The following GPC6 variants were observed in gnomAD, a reference collection of about 807,000 sequenced individuals.
GPC6 encodes the protein glypican 6, also known as glypican-6.
GPC6 carries 14 observed loss-of-function variants against 55.2 expected under a neutral mutation model. That is an observed-to-expected ratio of 0.25 (90% CI 0.17 to 0.40). The LOEUF (loss-of-function observed/expected upper bound fraction) is 0.40. Ranked by LOEUF, GPC6 falls within the 10% of genes least tolerant of loss-of-function variation. The pLI, the probability that GPC6 is intolerant of heterozygous loss-of-function variation, is 1.00. For synonymous variants in GPC6, 278 were observed against 259.6 expected, an observed-to-expected ratio of 1.07 and a Z score of -0.68; for missense variants, 641 against 708.5, an observed-to-expected ratio of 0.90 and a Z score of 1.08.
intron 4 of GPC6, among the ~76,000 whole-genome samples, chr13:94,062,836 C>G (rs550329784): frequency 5.3e-5 from 8 of 152,232 alleles, no homozygotes; most frequent in African/African-American, 1.7e-4. Flanking sequence ...CAGTACCTTA[C>G]ATATATAGAG....
chr13:93,889,409 A>G (rs1445415990), intron 3 of GPC6, among the ~76,000 whole-genome samples: 1 of 152,124 alleles, frequency 6.6e-6, no homozygotes, highest in Non-Finnish European at 1.5e-5. Flanking sequence ...GTGGTTGGAA[A>G]CACGTTTATA....
intron 5 of GPC6, among the ~76,000 whole-genome samples, chr13:94,300,296 A>C (rs533948740): frequency 6.6e-6 from 1 of 152,350 alleles, no homozygotes; most frequent in Non-Finnish European, 1.5e-5. Flanking sequence ...TAAAGGTATA[A>C]AGCTACATGT....
At chr13:93,591,675 G>C (rs1877493817) in intron 2 of GPC6, among the ~76,000 whole-genome samples, 1 of 152,090 alleles carries the variant, frequency 6.6e-6, no homozygotes, top group South Asian at 2.1e-4. Context: ...TTCAGGACCT[G>C]TACTGTATGT....
chr13:93,446,612 C>T (rs935946764), intron 1 of GPC6, among the ~76,000 whole-genome samples: 5 of 152,110 alleles, frequency 3.3e-5, no homozygotes, highest in African/African-American at 4.8e-5. Flanking sequence ...AACCCGTTTT[C>T]TTGATTCTCC....
intron 1 of GPC6, among the ~76,000 whole-genome samples, chr13:93,278,996 TTA>T (rs1382304394): frequency 1.3e-5 from 2 of 152,208 alleles, no homozygotes; most frequent in Admixed American, 6.5e-5. Context: ...CATAATAGAT[TTA>T]TGTTAAAAAA....
chr13:94,208,106 G>A (rs1889959606), intron 4 of GPC6, among the ~76,000 whole-genome samples: 3 of 152,116 alleles, frequency 2.0e-5, no homozygotes, highest in Admixed American at 1.3e-4. Flanking sequence ...ATTGTAGGTT[G>A]CATTCATTTA....
intron 4 of GPC6, among the ~76,000 whole-genome samples, chr13:94,105,153 A>G (rs7324764): frequency 0.56 from 85,311 of 151,878 alleles, 24,179 homozygotes; most frequent in Middle Eastern, 0.62. Flanking sequence ...CCTGGAGTTC[A>G]AGACCAGCCT....
intron 1 of GPC6, among the ~76,000 whole-genome samples, chr13:93,364,727 A>G (rs571112650): frequency 8.6e-5 from 13 of 151,226 alleles, no homozygotes; most frequent in Non-Finnish European, 1.2e-4. Flanking sequence ...ACACACATAT[A>G]TGTATATATA....
intron 1 of GPC6, among the ~76,000 whole-genome samples, chr13:93,451,699 G>A (rs1163307132): frequency 1.3e-5 from 2 of 152,110 alleles, no homozygotes; most frequent in Admixed American, 6.6e-5. Context: ...CTTACTAAAT[G>A]ATTGTCTCAT....
chr13:94,201,180 A>T (rs1026460216), intron 4 of GPC6, among the ~76,000 whole-genome samples: 12 of 152,178 alleles, frequency 7.9e-5, no homozygotes, highest in Non-Finnish European at 1.6e-4. Context: ...TTTGATCTCC[A>T]GGCCTCTCAC....
intron 2 of GPC6, among the ~76,000 whole-genome samples, chr13:93,591,185 C>T (rs1026951179): frequency 2.7e-5 from 4 of 149,130 alleles, no homozygotes; most frequent in South Asian, 2.1e-4. Flanking sequence ...AATCACCTTT[C>T]GGGTGCGGTG....
intron 4 of GPC6, among the ~76,000 whole-genome samples, chr13:94,266,388 T>A (rs554550303): frequency 1.3e-5 from 2 of 152,288 alleles, no homozygotes; most frequent in Admixed American, 1.3e-4. Flanking sequence ...CAGGATGGTC[T>A]CGATCTCCTG....
At chr13:94,379,940 G>T (rs1410170027) in intron 6 of GPC6, among the ~76,000 whole-genome samples, 1 of 152,176 alleles carries the variant, frequency 6.6e-6, no homozygotes. Flanking sequence ...ATAGCGCAGC[G>T]CAGAAAGCTG....
intron 4 of GPC6, among the ~76,000 whole-genome samples, chr13:94,205,370 T>G (rs1889870848): frequency 6.6e-6 from 1 of 152,216 alleles, no homozygotes; most frequent in Non-Finnish European, 1.5e-5. Flanking sequence ...CTTGTGTATT[T>G]TTGCAGCCAG....
chr13:93,714,640 G>A (rs1883188629), intron 2 of GPC6, among the ~76,000 whole-genome samples: 1 of 151,546 alleles, frequency 6.6e-6, no homozygotes, highest in Non-Finnish European at 1.5e-5. Context: ...GGTCCTTGAG[G>A]GGGTCATGGG....
intron 3 of GPC6, among the ~76,000 whole-genome samples, chr13:93,938,474 T>C (rs1878553781): frequency 6.6e-6 from 1 of 152,216 alleles, no homozygotes; most frequent in Non-Finnish European, 1.5e-5. Context: ...TTCTAACAAT[T>C]AATTGTTTAA....
intron 4 of GPC6, among the ~76,000 whole-genome samples, chr13:94,243,118 C>G (rs780618270): frequency 7.9e-5 from 12 of 152,160 alleles, no homozygotes; most frequent in Non-Finnish European, 1.6e-4. Context: ...TTCATCTCTT[C>G]CAGGGATGCT....
intron 2 of GPC6, among the ~76,000 whole-genome samples, chr13:93,565,165 A>C (rs1047882805): frequency 6.6e-6 from 1 of 152,032 alleles, no homozygotes; most frequent in African/African-American, 2.4e-5. Context: ...CAGTGCCTTT[A>C]ACTTCCATGG....
At chr13:94,030,476 T>G (rs1208368688) in intron 4 of GPC6, among the ~76,000 whole-genome samples, 2 of 152,210 alleles carry the variant, frequency 1.3e-5, no homozygotes, top group Admixed American at 1.3e-4. Context: ...GTTCACAAAT[T>G]TATGGCATGA....
Sources: allele counts gnomAD v4.1 joint callset (sites outside exome capture counted in the v4.1 genomes callset), GRCh38; gene constraint gnomAD v4.1.1; transcripts MANE v1.5; gene names NCBI Gene and HGNC (gene_info 2026-07-23, HGNC 2026-07-21).